AUTS2: variants seen among roughly 807,000 people sequenced by gnomAD.
The protein encoded by AUTS2 is autism susceptibility gene 2 protein.
In AUTS2, 17 loss-of-function variants were observed where a neutral mutation model predicts 112.4. The observed-to-expected ratio is 0.15, with a 90% CI of 0.10 to 0.23. AUTS2 has a LOEUF of 0.23. Among genes scored for constraint, AUTS2 ranks in the 10% least tolerant of loss-of-function variants. The pLI, the probability that AUTS2 is intolerant of heterozygous loss-of-function variation, is 1.00. For missense variants in AUTS2, 1,510 were observed against 1,701.6 expected (o/e 0.89, Z 1.98); for synonymous variants, 751 against 702.7 (o/e 1.07, Z -1.09).
chr7:70,278,481 G>A (rs1047968552), intron 4 of AUTS2, among the ~76,000 whole-genome samples: 1 of 152,100 alleles, frequency 6.6e-6, no homozygotes, highest in African/African-American at 2.4e-5. Context: ...TACTTGGGAG[G>A]CTGAGGTGGG....
At chr7:70,004,324 A>ATATACAT (rs1491427809) in intron 2 of AUTS2, among the ~76,000 whole-genome samples, 191 of 125,214 alleles carry the variant, frequency 1.5e-3, no homozygotes, top group Middle Eastern at 4.4e-3. Flanking sequence ...TTATATATAT[A>ATATACAT]ATATATATAT....
At chr7:70,546,327 C>T (rs1310324247) in intron 5 of AUTS2, among the ~76,000 whole-genome samples, 1 of 152,126 alleles carries the variant, frequency 6.6e-6, no homozygotes, top group Non-Finnish European at 1.5e-5. Flanking sequence ...GCCTGTAATC[C>T]CAGCTACTTG....
intron 5 of AUTS2, among the ~76,000 whole-genome samples, chr7:70,476,360 C>T (rs1234855246): frequency 6.6e-6 from 1 of 152,072 alleles, no homozygotes; most frequent in African/African-American, 2.4e-5. Context: ...CTCTCATTAC[C>T]CTTGTGCCCT....
intron 2 of AUTS2, among the ~76,000 whole-genome samples, chr7:69,928,709 G>C (rs1273809628): frequency 1.3e-5 from 2 of 152,108 alleles, no homozygotes; most frequent in African/African-American, 2.4e-5. Flanking sequence ...TGAGCCTGCA[G>C]GGCTTCCCGA....
chr7:69,875,721 C>T (rs763950803), intron 1 of AUTS2, among the ~76,000 whole-genome samples: 3 of 152,168 alleles, frequency 2.0e-5, no homozygotes, highest in Non-Finnish European at 2.9e-5. Flanking sequence ...ATGGAGAGAG[C>T]ATCATTACTT....
chr7:70,226,950 C>T (rs1235477382), intron 4 of AUTS2, among the ~76,000 whole-genome samples: 3 of 152,074 alleles, frequency 2.0e-5, no homozygotes, highest in Admixed American at 6.6e-5. Context: ...TGAGTGGATG[C>T]TCTAAGGAGC....
intron 5 of AUTS2, among the ~76,000 whole-genome samples, chr7:70,623,541 G>A (rs7792054): frequency 0.83 from 126,334 of 152,156 alleles, 52,597 homozygotes; most frequent in South Asian, 0.9. Context: ...AGAGTACAGT[G>A]GTCACTCTTG....
At chr7:69,794,739 G>A (rs928621525) in intron 1 of AUTS2, among the ~76,000 whole-genome samples, 14 of 151,920 alleles carry the variant, frequency 9.2e-5, no homozygotes, top group Admixed American at 8.5e-4. Context: ...TTGGGTAGGT[G>A]CACCTGTGCA....
chr7:70,055,366 G>A (rs762467719), intron 2 of AUTS2, among the ~76,000 whole-genome samples: 26 of 152,122 alleles, frequency 1.7e-4, no homozygotes, highest in Non-Finnish European at 2.2e-4. Flanking sequence ...CCCAGGAGGC[G>A]GAGGTTGTGG....
intron 2 of AUTS2, among the ~76,000 whole-genome samples, chr7:70,056,780 G>T (rs1162077274): frequency 6.6e-6 from 1 of 152,152 alleles, no homozygotes; most frequent in Non-Finnish European, 1.5e-5. Flanking sequence ...TTCCGAAGAT[G>T]GAATACCAGA....
At chr7:70,690,640 A>G (rs927150801) in intron 5 of AUTS2, among the ~76,000 whole-genome samples, 2 of 152,212 alleles carry the variant, frequency 1.3e-5, no homozygotes, top group Non-Finnish European at 2.9e-5. Flanking sequence ...TATAAATTGA[A>G]TCCCATCTCA....
At chr7:70,056,614 T>C (rs1303572423) in intron 2 of AUTS2, among the ~76,000 whole-genome samples, 2 of 152,156 alleles carry the variant, frequency 1.3e-5, no homozygotes, top group Non-Finnish European at 2.9e-5. Context: ...GCAGGCAGTG[T>C]TAGTAGGTTA....
At chr7:69,910,512 G>A (rs1276446310) in intron 2 of AUTS2, among the ~76,000 whole-genome samples, 1 of 152,240 alleles carries the variant, frequency 6.6e-6, no homozygotes, top group African/African-American at 2.4e-5. Flanking sequence ...CTTCCACATG[G>A]CTGGGGAGGC....
At chr7:70,760,758 G>A (rs961024437) in intron 6 of AUTS2, among the ~76,000 whole-genome samples, 1 of 152,232 alleles carries the variant, frequency 6.6e-6, no homozygotes, top group Admixed American at 6.5e-5. Context: ...GTTTTGAGAA[G>A]CCTTTCAATT....
intron 4 of AUTS2, among the ~76,000 whole-genome samples, chr7:70,208,726 G>C (rs755269098): frequency 3.3e-5 from 5 of 152,042 alleles, no homozygotes; most frequent in Middle Eastern, 3.4e-3. Flanking sequence ...TGGGTGGTGA[G>C]GATGTGAGTT....
At chr7:69,991,025 A>G (rs1029592953) in intron 2 of AUTS2, among the ~76,000 whole-genome samples, 1 of 152,164 alleles carries the variant, frequency 6.6e-6, no homozygotes, top group Non-Finnish European at 1.5e-5. Context: ...TAAGAAGGCT[A>G]TGGGGTCTTG....
chr7:70,742,249 A>G (rs1788158337), intron 6 of AUTS2, among the ~76,000 whole-genome samples: 1 of 152,210 alleles, frequency 6.6e-6, no homozygotes, highest in African/African-American at 2.4e-5. Context: ...AGTACATGTT[A>G]AAGAGACATA....
intron 5 of AUTS2, among the ~76,000 whole-genome samples, chr7:70,517,864 T>C (rs1585245194): frequency 3.3e-5 from 5 of 152,266 alleles, no homozygotes; most frequent in Admixed American, 3.3e-4. Flanking sequence ...TGTATCCAGT[T>C]ACATTAATGA....
intron 2 of AUTS2, among the ~76,000 whole-genome samples, chr7:70,032,450 A>C (rs1195176578): frequency 6.6e-6 from 1 of 152,290 alleles, no homozygotes; most frequent in Non-Finnish European, 1.5e-5. Flanking sequence ...TTTGCTCAAT[A>C]ACTCCTCCAA....
Sources: gnomAD v4.1 joint callset for allele counts (sites outside exome capture counted in the v4.1 genomes callset) on GRCh38, gnomAD v4.1.1 for gene constraint, MANE v1.5 for transcripts, NCBI Gene and HGNC (gene_info 2026-07-23, HGNC 2026-07-21) for gene names.